Variants in ZCCHC14 observed in about 807,000 individuals in gnomAD.
ZCCHC14 encodes zinc finger CCHC-type containing 14, also known as zinc finger CCHC domain-containing protein 14.
A neutral mutation model predicts 85.0 loss-of-function variants in ZCCHC14; 16 were observed. The ratio of observed to expected loss-of-function variants is 0.19; its 90% CI spans 0.13 to 0.29. The LOEUF (loss-of-function observed/expected upper bound fraction) is 0.29, where lower values mean the gene tolerates loss of function less well. ZCCHC14 is among the 10% of genes least tolerant of loss of function. ZCCHC14 has a pLI of 1.00. For missense variants in ZCCHC14, 1,303 were observed against 1,443.5 expected, an observed-to-expected ratio of 0.90 and a Z score of 1.58; for synonymous variants, 775 against 630.7, an observed-to-expected ratio of 1.23 and a Z score of -3.43.
At position 87,412,404 on chromosome 16, in the gene ZCCHC14, G is replaced by A; in HGVS notation, c.2317C>T (p.Pro773Ser). 6.2e-7 allele frequency: 1 copy of A among 1,614,192 alleles called. No individual in the cohort carries two copies. The highest frequency in any genetic ancestry group is 8.5e-7 in the Non-Finnish European group (1 of 1,180,044). ...GATGACGACAGCAGCAGTTTGATGG[G>A]CGGACGGGCGGCGTGGAGGACTGTG... ...PSTVLHAARP[P>S]IKLLLSSSVP... The change falls in exon 12 of 13, where the codon CCC (proline) becomes TCC (serine). Residue 773 changes from proline to serine, a missense_variant. Physicochemically the swap from Pro to Ser is moderately conservative, Grantham distance 74. Transcript: ENST00000671377.
chr16:87,409,259 GTC>G lies in ZCCHC14; in HGVS notation c.*1019_*1020del, dbSNP rs1326999261. On this transcript the variant is annotated 3_prime_UTR_variant, in exon 13 of 13. Transcript: ENST00000671377. ...GACAGGACTGTATCATTGTTGAAAT[GTC>G]TGTCTCAGGTGTGAATCCGCTAGCG... is the stretch of plus-strand genomic sequence containing the variant. 6.6e-6 allele frequency: 1 copy of G among 152,202 alleles called. No homozygotes were observed. The highest frequency in any genetic ancestry group is 1.5e-5 in the Non-Finnish European group (1 of 68,042). The allele number at this position is 152,202 out of a possible 1,614,324, so 9.4% of individuals were successfully genotyped here.
At chr16:87,462,303 C>T (rs1177887183) in intron 1 of ZCCHC14, among the ~76,000 whole-genome samples, 1 of 152,074 alleles carries the variant, frequency 6.6e-6, no homozygotes, top group African/African-American at 2.4e-5. Flanking sequence ...TTAGAGAACC[C>T]AGAAATGAAC....
chr16:87,480,495 A>G (rs1175837028), intron 1 of ZCCHC14, among the ~76,000 whole-genome samples: 2 of 152,258 alleles, frequency 1.3e-5, no homozygotes, highest in African/African-American at 2.4e-5. Flanking sequence ...ATAATATATG[A>G]GAGGTAGTCA....
At chr16:87,456,631 T>G (rs1376302890) in intron 2 of ZCCHC14, among the ~76,000 whole-genome samples, 5 of 152,046 alleles carry the variant, frequency 3.3e-5, no homozygotes, top group Non-Finnish European at 7.4e-5. Context: ...AGATTTTGTT[T>G]TGGAGTTTGG....
At chr16:87,411,447 TA>T (rs1223147600) in intron 12 of ZCCHC14, 68 bp downstream of exon 12, 1 of 1,564,118 alleles carries the variant, frequency 6.4e-7, no homozygotes, top group South Asian at 1.2e-5. Context: ...TTACTCTTCA[TA>T]AAAACCAAGC....
intron 2 of ZCCHC14, among the ~76,000 whole-genome samples, chr16:87,440,753 T>G (rs1910143562): frequency 6.6e-6 from 1 of 151,936 alleles, no homozygotes; most frequent in South Asian, 2.1e-4. Flanking sequence ...TCTACAGGCA[T>G]GCATCACCAT....
chr16:87,479,154 C>T (rs1912154479), intron 1 of ZCCHC14, among the ~76,000 whole-genome samples: 5 of 152,032 alleles, frequency 3.3e-5, no homozygotes, highest in Non-Finnish European at 7.4e-5. Flanking sequence ...TGGTGGCTCA[C>T]ACCTGGAATC....
At chr16:87,411,293 T>G in intron 12 of ZCCHC14, 1 of 1,377,744 alleles carries the variant, frequency 7.3e-7, no homozygotes, top group Non-Finnish European at 9.7e-7. Flanking sequence ...CTAAGCACCT[T>G]CTAGAACCAG....
In ZCCHC14 at chr16:87,412,984, G is replaced by A. The variant is rs2150721342; in HGVS notation, c.1745-8C>T. ...CCAAGTGAATCTCCACACCTAGAGA[G>A]GGAAACAAGAGTGGTCAGTGCCATT... On this transcript the variant is annotated splice_region_variant and splice_polypyrimidine_tract_variant and intron_variant, in intron 11 of 12. Transcript: ENST00000671377. 14 of 1,613,276 alleles carry A rather than the reference G, an allele frequency of 8.7e-6. No individual in the cohort carries two copies. Among genetic ancestry groups the A allele is most frequent in the Non-Finnish European group, 1.2e-5 (14 of 1,179,594 alleles).
chr16:87,469,296 G>A (rs1018282488), intron 1 of ZCCHC14, among the ~76,000 whole-genome samples: 6 of 152,190 alleles, frequency 3.9e-5, no homozygotes, highest in African/African-American at 1.4e-4. Context: ...AGTACGTGAC[G>A]TACACAGATC....
At position 87,435,018 on chromosome 16, in the gene ZCCHC14, CG is replaced by C. The variant is rs1264687806; in HGVS notation, c.695-1818del. On this transcript the variant is annotated intron_variant, in intron 2 of 12. Coordinates refer to ENST00000671377, the MANE Select transcript of ZCCHC14 (RefSeq NM_015144.3). The stretch of plus-strand genomic sequence containing the variant: ...AAAAAAAAAAAAAAAAAAAAAAAGA[CG>C]TTTTTTGGGAAAAAAAAATCTCAGA... Among the ~76,000 whole-genome samples the C allele has an allele frequency of 9.4e-4, 130 of 138,712 alleles. 1 individual carries two copies. Among genetic ancestry groups the C allele is most frequent in the African/African-American group, 3.2e-3 (122 of 38,012 alleles). 91.0% of individuals were successfully genotyped at this position (138,712 alleles called of 152,430 possible).
At chr16:87,421,660 A>C (rs1261321957) in intron 4 of ZCCHC14, among the ~76,000 whole-genome samples, 1 of 152,136 alleles carries the variant, frequency 6.6e-6, no homozygotes, top group African/African-American at 2.4e-5. Context: ...ACAGGCCTGC[A>C]GGGACGGCTG....
In ZCCHC14 at chr16:87,471,791, C is replaced by G. The variant is rs376904222; in HGVS notation, c.571-11660G>C. ...AGACATACTTCCTAGTCCTGTAATCCCATAAAACAGGGTTCAAAGGGCATC... is the reference window on the plus strand; with the variant it reads ...AGACATACTTCCTAGTCCTGTAATCGCATAAAACAGGGTTCAAAGGGCATC... On this transcript the variant is annotated intron_variant, in intron 1 of 12. Transcript: ENST00000671377. 3.3e-5 allele frequency: 5 copies of G among 152,320 alleles called. No individual in the cohort carries two copies. In the East Asian group the frequency reaches 7.7e-4, roughly 23 times the overall value. The allele number at this position is 152,320 out of a possible 1,614,324, so 9.4% of individuals were successfully genotyped here.
chr16:87,414,568 A>G (rs879015856), intron 9 of ZCCHC14, 27 bp from the exon 10 acceptor site: 1 of 1,597,978 alleles, frequency 6.3e-7, no homozygotes, highest in South Asian at 1.1e-5. Context: ...CACAGGAACA[A>G]GTGAGCACTG....
At chr16:87,413,867 G>A (rs1282974275) in intron 10 of ZCCHC14, among the ~76,000 whole-genome samples, 3 of 152,146 alleles carry the variant, frequency 2.0e-5, no homozygotes, top group Non-Finnish European at 2.9e-5. Context: ...TCACCCCCAC[G>A]CGCTCGCTCT....
At chr16:87,489,967 A>T (rs1912678958) in intron 1 of ZCCHC14, among the ~76,000 whole-genome samples, 1 of 152,228 alleles carries the variant, frequency 6.6e-6, no homozygotes, top group Non-Finnish European at 1.5e-5. Context: ...AACTGACCAT[A>T]AATGACTGAG....
chr16:87,422,946 G>A (rs747497052), intron 4 of ZCCHC14, among the ~76,000 whole-genome samples: 6 of 152,132 alleles, frequency 3.9e-5, no homozygotes, highest in Non-Finnish European at 4.4e-5. Context: ...TGGCACTGTC[G>A]TGTTCTTCAA....
intron 1 of ZCCHC14, among the ~76,000 whole-genome samples, chr16:87,468,778 G>A (rs1159930561): frequency 6.6e-6 from 1 of 152,168 alleles, no homozygotes; most frequent in African/African-American, 2.4e-5. Context: ...GGAGACCAGC[G>A]ATGCTGTTAA....
chr16:87,467,071 G>C (rs1413151270), intron 1 of ZCCHC14: 7 of 415,100 alleles, frequency 1.7e-5, no homozygotes, highest in Non-Finnish European at 2.6e-5. Flanking sequence ...TTACTAAAGA[G>C]ACAGGGTCCC....
Sources: gnomAD v4.1 joint callset for allele counts (sites outside exome capture counted in the v4.1 genomes callset) on GRCh38, gnomAD v4.1.1 for gene constraint, MANE v1.5 for transcripts, NCBI Gene and HGNC (gene_info 2026-07-23, HGNC 2026-07-21) for gene names.